Variants in KCNIP4 observed in about 807,000 individuals in gnomAD.
KCNIP4 encodes the protein Kv channel-interacting protein 4.
KCNIP4 carries 12 observed loss-of-function variants against 34.0 expected under a neutral mutation model. The ratio of observed to expected loss-of-function variants is 0.35; its 90% CI spans 0.23 to 0.57. The LOEUF is 0.57. Ranked by LOEUF, KCNIP4 falls within the 20% of genes least tolerant of loss-of-function variation. The probability of loss-of-function intolerance (pLI) is 0.83; values close to 1 mark genes in which losing one functional copy is unlikely to be tolerated. For synonymous variants in KCNIP4, 124 were observed against 102.2 expected (o/e 1.21, Z -1.29); for missense variants, 238 against 311.7 (o/e 0.76, Z 1.78).
intron 1 of KCNIP4, among the ~76,000 whole-genome samples, chr4:21,536,460 T>C (rs1347981273): frequency 1.3e-5 from 2 of 152,106 alleles, no homozygotes; most frequent in African/African-American, 2.4e-5. Flanking sequence ...GCAGCTACTG[T>C]GTTTACATAT....
chr4:21,496,471 G>C (rs17466461), intron 1 of KCNIP4, among the ~76,000 whole-genome samples: 31,337 of 152,122 alleles, frequency 0.21, 3,642 homozygotes, highest in Non-Finnish European at 0.27. Flanking sequence ...TAGATATCTG[G>C]TAATCTCCAC....
At chr4:21,626,424 T>A (rs1745327910) in intron 1 of KCNIP4, among the ~76,000 whole-genome samples, 1 of 151,098 alleles carries the variant, frequency 6.6e-6, no homozygotes. Context: ...CACAAAGAGG[T>A]CATGTGAGCA....
intron 1 of KCNIP4, among the ~76,000 whole-genome samples, chr4:21,159,533 C>T (rs1226729487): frequency 2.3e-5 from 1 of 43,932 alleles, no homozygotes; most frequent in Non-Finnish European, 4.2e-5. Context: ...TGGGCGCAGG[C>T]CAGTGTGTGT....
intron 1 of KCNIP4, among the ~76,000 whole-genome samples, chr4:20,888,924 G>A (rs1021717396): frequency 6.6e-6 from 1 of 152,096 alleles, no homozygotes; most frequent in Non-Finnish European, 1.5e-5. Flanking sequence ...GTTAAATGCT[G>A]TATTTGCTCC....
chr4:20,940,847 C>T (rs745347558), intron 1 of KCNIP4, among the ~76,000 whole-genome samples: 2 of 152,154 alleles, frequency 1.3e-5, no homozygotes, highest in Non-Finnish European at 2.9e-5. Context: ...ACATGAACAT[C>T]AGCTGAACCG....
At chr4:20,826,854 T>A (rs993161290) in intron 3 of KCNIP4, among the ~76,000 whole-genome samples, 1 of 152,138 alleles carries the variant, frequency 6.6e-6, no homozygotes, top group Non-Finnish European at 1.5e-5. Flanking sequence ...GGAAACAAGG[T>A]CTTCTAAAAG....
intron 1 of KCNIP4, among the ~76,000 whole-genome samples, chr4:21,267,692 A>G (rs1761900187): frequency 7.0e-6 from 1 of 142,700 alleles, no homozygotes; most frequent in Non-Finnish European, 1.6e-5. Context: ...CATCCCAGGG[A>G]TGAAGCCCAC....
At chr4:21,859,140 C>A (rs12498561) in intron 1 of KCNIP4, among the ~76,000 whole-genome samples, 1 of 151,876 alleles carries the variant, frequency 6.6e-6, no homozygotes, top group South Asian at 2.1e-4. Flanking sequence ...TTCAGCCAAA[C>A]ATAAATAAAC....
chr4:21,203,241 G>A (rs1577882056), intron 1 of KCNIP4, among the ~76,000 whole-genome samples: 2 of 152,154 alleles, frequency 1.3e-5, no homozygotes, highest in South Asian at 2.1e-4. Flanking sequence ...GTCTCACCTT[G>A]GCCCTGTGGG....
intron 1 of KCNIP4, among the ~76,000 whole-genome samples, chr4:21,025,473 T>TGAGA (rs33926876): frequency 0.021 from 2,034 of 95,012 alleles, 33 homozygotes; most frequent in African/African-American, 0.037. Context: ...TGAAAACAAC[T>TGAGA]GAGAGAGAGA....
At chr4:21,812,077 A>G (rs1214466652) in intron 1 of KCNIP4, among the ~76,000 whole-genome samples, 1 of 152,264 alleles carries the variant, frequency 6.6e-6, no homozygotes, top group Non-Finnish European at 1.5e-5. Context: ...TAGGTATCCC[A>G]TGTAACAAAC....
intron 1 of KCNIP4, among the ~76,000 whole-genome samples, chr4:21,870,676 A>G (rs911806606): frequency 9.2e-5 from 14 of 152,262 alleles, no homozygotes; most frequent in African/African-American, 3.4e-4. Context: ...TTGTTTTCCA[A>G]TAAGCTTCTT....
At chr4:21,353,694 G>A (rs1020893643) in intron 1 of KCNIP4, among the ~76,000 whole-genome samples, 2 of 152,174 alleles carry the variant, frequency 1.3e-5, no homozygotes, top group African/African-American at 4.8e-5. Context: ...AAAGTGACAA[G>A]GAGAATGGAA....
At chr4:21,917,412 G>A (rs1345222551) in intron 1 of KCNIP4, among the ~76,000 whole-genome samples, 1 of 152,134 alleles carries the variant, frequency 6.6e-6, no homozygotes, top group African/African-American at 2.4e-5. Flanking sequence ...TTGGATTACA[G>A]GCATAAACCA....
chr4:21,221,360 T>A (rs780893903), intron 1 of KCNIP4, among the ~76,000 whole-genome samples: 8 of 152,166 alleles, frequency 5.3e-5, no homozygotes, highest in African/African-American at 1.7e-4. Flanking sequence ...TGGGGTAATT[T>A]ATAAAAGGAA....
chr4:21,250,361 G>A (rs938735468), intron 1 of KCNIP4, among the ~76,000 whole-genome samples: 1 of 152,032 alleles, frequency 6.6e-6, no homozygotes, highest in East Asian at 1.9e-4. Flanking sequence ...AATTATTTGT[G>A]TATTCAGCTC....
chr4:21,606,888 G>T (rs911949555), intron 1 of KCNIP4, among the ~76,000 whole-genome samples: 2 of 152,036 alleles, frequency 1.3e-5, no homozygotes, highest in African/African-American at 4.8e-5. Flanking sequence ...AGCCATCAAT[G>T]GTGAATTGAG....
At chr4:20,886,582 T>C (rs1291222762) in intron 1 of KCNIP4, among the ~76,000 whole-genome samples, 1 of 152,216 alleles carries the variant, frequency 6.6e-6, no homozygotes, top group East Asian at 1.9e-4. Flanking sequence ...AGAGCTGGAA[T>C]GCTGCAAGTT....
chr4:21,771,529 T>G (rs1320225853), intron 1 of KCNIP4, among the ~76,000 whole-genome samples: 1 of 152,238 alleles, frequency 6.6e-6, no homozygotes, highest in Admixed American at 6.5e-5. Context: ...TAAATTACTT[T>G]GGGCATTATG....
Sources: gnomAD v4.1 joint callset for allele counts (sites outside exome capture counted in the v4.1 genomes callset) on GRCh38, gnomAD v4.1.1 for gene constraint, MANE v1.5 for transcripts, NCBI Gene and HGNC (gene_info 2026-07-23, HGNC 2026-07-21) for gene names.